NRG3: variants seen among roughly 807,000 people sequenced by gnomAD.
NRG3 encodes the protein neuregulin 3.
In NRG3, 31 loss-of-function variants were observed where a neutral mutation model predicts 66.9. The ratio of observed to expected loss-of-function variants is 0.46; its 90% CI spans 0.35 to 0.63. The LOEUF (loss-of-function observed/expected upper bound fraction) is 0.63. Ranked by LOEUF, NRG3 falls within the 20% of genes least tolerant of loss-of-function variation. The probability of loss-of-function intolerance (pLI) is 0.00; values close to 1 mark genes in which losing one functional copy is unlikely to be tolerated. For synonymous variants in NRG3, 393 were observed against 359.4 expected (o/e 1.09, Z -1.06); for missense variants, 910 against 878.9 (o/e 1.04, Z -0.45).
intron 4 of NRG3, among the ~76,000 whole-genome samples, chr10:82,940,687 G>C (rs1384940501): frequency 2.0e-5 from 3 of 152,100 alleles, no homozygotes; most frequent in Non-Finnish European, 4.4e-5. Flanking sequence ...TGAAAGCTCA[G>C]TCTCTGCTTC....
chr10:82,872,241 AGATAAATG>A (rs1841405844), intron 4 of NRG3, among the ~76,000 whole-genome samples: 1 of 152,116 alleles, frequency 6.6e-6, no homozygotes, highest in African/African-American at 2.4e-5. Context: ...TGCATACCTG[AGATAAATG>A]GATAAATGTC....
At chr10:82,743,765 G>C (rs771969189) in intron 3 of NRG3, among the ~76,000 whole-genome samples, 1 of 152,144 alleles carries the variant, frequency 6.6e-6, no homozygotes, top group African/African-American at 2.4e-5. Flanking sequence ...CCAGGAGCCT[G>C]GGTAGGCATT....
At chr10:82,102,148 A>G (rs867834355) in intron 1 of NRG3, among the ~76,000 whole-genome samples, 9 of 79,284 alleles carry the variant, frequency 1.1e-4, no homozygotes, top group South Asian at 7.9e-4. Context: ...ATATATATAT[A>G]TATATATATA....
chr10:82,837,399 A>C (rs1483024700), intron 3 of NRG3, among the ~76,000 whole-genome samples: 1 of 152,130 alleles, frequency 6.6e-6, no homozygotes, highest in Non-Finnish European at 1.5e-5. Context: ...ATTTGTGCTA[A>C]GTTTTGAGGA....
chr10:81,938,392 GT>G (rs532634075), intron 1 of NRG3, among the ~76,000 whole-genome samples: 46 of 113,034 alleles, frequency 4.1e-4, no homozygotes, highest in South Asian at 1.5e-3. Flanking sequence ...GTGTGTGTGT[GT>G]TTTTTTTTTT....
chr10:82,906,793 A>G (rs1172922584), intron 4 of NRG3, among the ~76,000 whole-genome samples: 8 of 152,170 alleles, frequency 5.3e-5, no homozygotes, highest in African/African-American at 2.4e-5. Context: ...GGTGAAGCAT[A>G]TAAAATCACC....
At chr10:82,592,104 C>A (rs1305074741) in intron 2 of NRG3, among the ~76,000 whole-genome samples, 2 of 152,254 alleles carry the variant, frequency 1.3e-5, no homozygotes, top group East Asian at 1.9e-4. Flanking sequence ...TAAGGATAAA[C>A]AAAACTTCCA....
At chr10:82,370,406 C>T (rs1041164664) in intron 2 of NRG3, among the ~76,000 whole-genome samples, 5 of 138,394 alleles carry the variant, frequency 3.6e-5, no homozygotes, top group Admixed American at 6.8e-5. Context: ...CTTTCTCTGC[C>T]GCGTCGTTCT....
At chr10:82,594,582 C>G (rs1400756949) in intron 2 of NRG3, among the ~76,000 whole-genome samples, 2 of 152,130 alleles carry the variant, frequency 1.3e-5, no homozygotes, top group Non-Finnish European at 2.9e-5. Context: ...CTTATAGATA[C>G]TATAGCCACA....
chr10:82,845,916 A>G (rs1401397149), intron 3 of NRG3, among the ~76,000 whole-genome samples: 4 of 152,210 alleles, frequency 2.6e-5, no homozygotes, highest in Admixed American at 2.0e-4. Context: ...CTTAAAGTGC[A>G]TAAGATTAAC....
chr10:82,271,057 G>A (rs144915981), intron 1 of NRG3, among the ~76,000 whole-genome samples: 1 of 152,110 alleles, frequency 6.6e-6, no homozygotes, highest in Non-Finnish European at 1.5e-5. Context: ...ACCTTAGTTC[G>A]AGAAAGCAAT....
At chr10:82,291,346 A>G (rs2079735411) in intron 1 of NRG3, among the ~76,000 whole-genome samples, 1 of 152,232 alleles carries the variant, frequency 6.6e-6, no homozygotes, top group Non-Finnish European at 1.5e-5. Context: ...AATAAAAAAC[A>G]TCTTAAATAA....
At chr10:82,212,411 A>G (rs1484570203) in intron 1 of NRG3, among the ~76,000 whole-genome samples, 1 of 152,182 alleles carries the variant, frequency 6.6e-6, no homozygotes. Context: ...TTTAATTTCA[A>G]CTACTGTTTT....
intron 3 of NRG3, among the ~76,000 whole-genome samples, chr10:82,779,237 T>C (rs1226013320): frequency 6.6e-6 from 1 of 152,082 alleles, no homozygotes; most frequent in Non-Finnish European, 1.5e-5. Flanking sequence ...TAACAAAGAT[T>C]ATAGGTATCC....
At chr10:82,586,751 GTCA>G (rs2046693808) in intron 2 of NRG3, among the ~76,000 whole-genome samples, 1 of 152,058 alleles carries the variant, frequency 6.6e-6, no homozygotes, top group Non-Finnish European at 1.5e-5. Flanking sequence ...CAAGTAGCAT[GTCA>G]TCATATCTAT....
At chr10:82,669,978 A>G (rs571744719) in intron 2 of NRG3, among the ~76,000 whole-genome samples, 3 of 151,344 alleles carry the variant, frequency 2.0e-5, no homozygotes, top group Non-Finnish European at 4.4e-5. Context: ...ATCCTCCACC[A>G]CTCCCCTTTG....
chr10:82,396,602 G>C (rs1490186455), intron 2 of NRG3, among the ~76,000 whole-genome samples: 1 of 152,170 alleles, frequency 6.6e-6, no homozygotes, highest in Non-Finnish European at 1.5e-5. Context: ...TGATGTGATT[G>C]GTCATTGGTC....
intron 4 of NRG3, among the ~76,000 whole-genome samples, chr10:82,935,580 A>G (rs1001656273): frequency 2.1e-4 from 32 of 152,192 alleles, no homozygotes; most frequent in Admixed American, 1.6e-3. Flanking sequence ...TCTATTATTT[A>G]TAATAGCAAA....
At chr10:82,779,254 G>A (rs566421320) in intron 3 of NRG3, among the ~76,000 whole-genome samples, 1 of 152,114 alleles carries the variant, frequency 6.6e-6, no homozygotes, top group Non-Finnish European at 1.5e-5. Flanking sequence ...ATCCACTGTG[G>A]TGATGAAGGT....
Sources: gnomAD v4.1 joint callset for allele counts (sites outside exome capture counted in the v4.1 genomes callset) on GRCh38, gnomAD v4.1.1 for gene constraint, MANE v1.5 for transcripts, NCBI Gene and HGNC (gene_info 2026-07-23, HGNC 2026-07-21) for gene names.